GRIN2B: variants seen among roughly 807,000 people sequenced by gnomAD.
The protein encoded by GRIN2B is glutamate receptor ionotropic, NMDA 2B.
Under a neutral mutation model 114.5 loss-of-function variants are expected in GRIN2B, and 5 were observed. The ratio of observed to expected loss-of-function variants is 0.04; its 90% CI spans 0.02 to 0.09. The LOEUF is 0.09. Ranked by LOEUF, GRIN2B falls within the 10% of genes least tolerant of loss-of-function variation. GRIN2B has a pLI of 1.00. For missense variants in GRIN2B, 1,108 were observed against 1,943.5 expected, an observed-to-expected ratio of 0.57 and a Z score of 8.08; for synonymous variants, 787 against 745.1, an observed-to-expected ratio of 1.06 and a Z score of -0.92.
intron 8 of GRIN2B, among the ~76,000 whole-genome samples, chr12:13,612,786 T>C (rs1949382130): frequency 6.6e-6 from 1 of 152,222 alleles, no homozygotes; most frequent in African/African-American, 2.4e-5. Flanking sequence ...GGACAATCAC[T>C]ATTCTGTCCC....
intron 4 of GRIN2B, among the ~76,000 whole-genome samples, chr12:13,726,622 A>G (rs1862993295): frequency 6.7e-6 from 1 of 149,832 alleles, no homozygotes; most frequent in Admixed American, 6.7e-5. Flanking sequence ...TACTATTTCT[A>G]TTAACTTTTT....
At chr12:13,850,068 G>A (rs1173334043) in intron 3 of GRIN2B, among the ~76,000 whole-genome samples, 1 of 152,168 alleles carries the variant, frequency 6.6e-6, no homozygotes, top group Non-Finnish European at 1.5e-5. Context: ...TGCTGAGGGG[G>A]ACAATGGAAA....
At chr12:13,682,274 TTGAGA>T (rs952763200) in intron 4 of GRIN2B, among the ~76,000 whole-genome samples, 4 of 152,134 alleles carry the variant, frequency 2.6e-5, no homozygotes, top group African/African-American at 9.6e-5. Context: ...AATGATTCCT[TTGAGA>T]TATGTCATAT....
rs536951354 is a variant in GRIN2B, at chr12:13,676,801, T to C, written c.1011-942A>G. On this transcript the variant is annotated intron_variant, in intron 4 of 13. Transcript: ENST00000609686. ...GAGTACAGTAAGCAGGGATCTGATA[T>C]GACAGGATGCATCTGGAAATCAGGG... Among the ~76,000 whole-genome samples, 3 of 152,268 alleles carry C rather than the reference T, an allele frequency of 2.0e-5. No individual in the cohort carries two copies. In the East Asian group the frequency reaches 5.8e-4, roughly 29 times the overall value.
At chr12:13,815,339 C>T (rs547871452) in intron 3 of GRIN2B, among the ~76,000 whole-genome samples, 1 of 151,502 alleles carries the variant, frequency 6.6e-6, no homozygotes, top group African/African-American at 2.4e-5. Flanking sequence ...ATGTTTCAGT[C>T]CTGAATTCAG....
At chr12:13,931,067 G>C (rs1045476419) in intron 2 of GRIN2B, among the ~76,000 whole-genome samples, 5 of 152,154 alleles carry the variant, frequency 3.3e-5, no homozygotes, top group Non-Finnish European at 7.4e-5. Flanking sequence ...TGGACTACTA[G>C]TTCAGTTCTA....
Position 13,824,805 on chromosome 12 carries a change from G to A in GRIN2B, c.411+40993C>T, listed in dbSNP as rs1050813700. On this transcript the variant is annotated intron_variant, in intron 3 of 13. Transcript: ENST00000609686. ...CGGGAGGCGGAGGTTGCAGTGAGCCGAGATTGTGCCACTGCACTCCAGCCT... is the reference window on the plus strand; with the variant it reads ...CGGGAGGCGGAGGTTGCAGTGAGCCAAGATTGTGCCACTGCACTCCAGCCT... Among the ~76,000 whole-genome samples, 92 of 143,352 alleles carry A rather than the reference G, an allele frequency of 6.4e-4. 1 individual carries two copies. The highest frequency in any genetic ancestry group is 1.7e-3 in the Admixed American group (23 of 13,560). The allele number at this position is 143,352 out of a possible 152,430, so 94.0% of individuals were successfully genotyped here.
intron 3 of GRIN2B, among the ~76,000 whole-genome samples, chr12:13,833,873 G>GA (rs1238516383): frequency 2.0e-5 from 3 of 150,052 alleles, no homozygotes; most frequent in South Asian, 2.1e-4. Flanking sequence ...GATTACAGAT[G>GA]AAAAAAAAAT....
chr12:13,628,433 T>C (rs1299955105), intron 5 of GRIN2B, among the ~76,000 whole-genome samples: 1 of 152,216 alleles, frequency 6.6e-6, no homozygotes, highest in Non-Finnish European at 1.5e-5. Context: ...TTCTCTGAAT[T>C]TCAAGTGTTT....
intron 5 of GRIN2B, among the ~76,000 whole-genome samples, chr12:13,631,305 C>A (rs986192384): frequency 2.0e-5 from 3 of 152,182 alleles, no homozygotes; most frequent in African/African-American, 7.2e-5. Flanking sequence ...GAAGACCTGG[C>A]CAAGCCCTGT....
chr12:13,770,232 A>G (rs971354084), intron 3 of GRIN2B, among the ~76,000 whole-genome samples: 1 of 152,206 alleles, frequency 6.6e-6, no homozygotes, highest in African/African-American at 2.4e-5. Context: ...GGATGAAAGA[A>G]CTGGCTCTGA....
chr12:13,779,902 G>A (rs1864075927), intron 3 of GRIN2B, among the ~76,000 whole-genome samples: 1 of 152,210 alleles, frequency 6.6e-6, no homozygotes, highest in African/African-American at 2.4e-5. Flanking sequence ...AATTTAGTGA[G>A]AAGGCACAAT....
At chr12:13,690,285 CCACA>C (rs72073823) in intron 4 of GRIN2B, among the ~76,000 whole-genome samples, 1,936 of 144,708 alleles carry the variant, frequency 0.013, 27 homozygotes, top group African/African-American at 0.026. Context: ...CTATGTCACA[CCACA>C]CACACACACA....
intron 5 of GRIN2B, among the ~76,000 whole-genome samples, chr12:13,675,173 G>A (rs1463326092): frequency 6.6e-6 from 1 of 152,116 alleles, no homozygotes; most frequent in Non-Finnish European, 1.5e-5. Flanking sequence ...TGAGAAAACT[G>A]AGGCATCAAG....
chr12:13,598,251 G>GA (rs1192002059), intron 10 of GRIN2B, among the ~76,000 whole-genome samples: 3 of 152,184 alleles, frequency 2.0e-5, no homozygotes, highest in Non-Finnish European at 4.4e-5. Flanking sequence ...TTTTCCACTG[G>GA]ACAGCACCCC....
intron 6 of GRIN2B, 110 bp downstream of exon 6, chr12:13,616,345 A>G (rs1237273439): frequency 1.3e-6 from 1 of 781,490 alleles, no homozygotes; most frequent in Admixed American, 1.9e-5. Context: ...ACTAGAAATC[A>G]GACACAGTGC....
chr12:13,570,242 T>C (rs1051376720), intron 11 of GRIN2B, among the ~76,000 whole-genome samples: 1 of 152,184 alleles, frequency 6.6e-6, no homozygotes, highest in East Asian at 1.9e-4. Context: ...CTGGGAATGA[T>C]GAGAATGTAA....
At chr12:13,794,207 C>CA (rs3082833) in intron 3 of GRIN2B, among the ~76,000 whole-genome samples, 31,422 of 102,830 alleles carry the variant, frequency 0.31, 5,486 homozygotes, top group Middle Eastern at 0.42. Flanking sequence ...GACTCTGTCT[C>CA]AAAAAAAAAA....
intron 4 of GRIN2B, among the ~76,000 whole-genome samples, chr12:13,743,059 G>A (rs1863313058): frequency 6.6e-6 from 1 of 152,296 alleles, no homozygotes; most frequent in Admixed American, 6.5e-5. Flanking sequence ...GCTCTGGACA[G>A]ACCACCTAAC....
Sources: allele counts gnomAD v4.1 joint callset (sites outside exome capture counted in the v4.1 genomes callset), GRCh38; gene constraint gnomAD v4.1.1; transcripts MANE v1.5; gene names NCBI Gene and HGNC (gene_info 2026-07-23, HGNC 2026-07-21).